The following DLG2 variants were observed in gnomAD, a reference collection of about 807,000 sequenced individuals.
DLG2 encodes disks large homolog 2.
DLG2 carries 45 observed loss-of-function variants against 132.5 expected under a neutral mutation model. The observed-to-expected ratio is 0.34, with a 90% CI of 0.27 to 0.44. DLG2 has a LOEUF of 0.44. Ranked by LOEUF, DLG2 falls within the 20% of genes least tolerant of loss-of-function variation. The pLI is 1.00. For synonymous variants in DLG2, 424 were observed against 419.6 expected, an observed-to-expected ratio of 1.01 and a Z score of -0.13; for missense variants, 1,045 against 1,196.9, an observed-to-expected ratio of 0.87 and a Z score of 1.87.
chr11:83,916,124 A>C (rs1279089986), intron 15 of DLG2, among the ~76,000 whole-genome samples: 3 of 152,138 alleles, frequency 2.0e-5, no homozygotes. Context: ...AAGACATACC[A>C]CATACTATTT....
chr11:83,553,583 C>T (rs970581377), intron 19 of DLG2, among the ~76,000 whole-genome samples: 1 of 151,148 alleles, frequency 6.6e-6, no homozygotes, highest in African/African-American at 2.4e-5. Flanking sequence ...GGAATCACCT[C>T]ATCATTCTCT....
At chr11:85,271,766 T>C (rs1402255073) in intron 4 of DLG2, among the ~76,000 whole-genome samples, 1 of 152,184 alleles carries the variant, frequency 6.6e-6, no homozygotes, top group Non-Finnish European at 1.5e-5. Context: ...TGGGCCAATT[T>C]CTCCCATTTG....
intron 6 of DLG2, among the ~76,000 whole-genome samples, chr11:84,986,919 A>G (rs1194019394): frequency 6.6e-6 from 1 of 152,226 alleles, no homozygotes; most frequent in Non-Finnish European, 1.5e-5. Flanking sequence ...CAGAGCAATC[A>G]GAAAAGAGAA....
chr11:85,522,119 T>G (rs1299414829), intron 3 of DLG2, among the ~76,000 whole-genome samples: 1 of 152,168 alleles, frequency 6.6e-6, no homozygotes, highest in Non-Finnish European at 1.5e-5. Flanking sequence ...TTTCCTGGGT[T>G]GGGTCCAGGG....
At chr11:85,063,256 T>C (rs562661632) in intron 6 of DLG2, among the ~76,000 whole-genome samples, 18 of 151,972 alleles carry the variant, frequency 1.2e-4, no homozygotes, top group African/African-American at 4.1e-4. Context: ...GAGGCCTCTG[T>C]TGAGTGTTCT....
chr11:83,951,937 C>G (rs1465763317), intron 14 of DLG2, among the ~76,000 whole-genome samples: 1 of 151,976 alleles, frequency 6.6e-6, no homozygotes, highest in Admixed American at 6.6e-5. Context: ...AGGTAAAACC[C>G]ACAGAATTTG....
At chr11:85,190,947 A>G (rs1027697078) in intron 4 of DLG2, among the ~76,000 whole-genome samples, 10 of 152,290 alleles carry the variant, frequency 6.6e-5, no homozygotes, top group Admixed American at 6.5e-4. Context: ...AGTACTCTGG[A>G]TATTTCTCAA....
intron 15 of DLG2, among the ~76,000 whole-genome samples, chr11:83,912,847 A>G (rs2076300653): frequency 6.6e-6 from 1 of 152,136 alleles, no homozygotes; most frequent in Admixed American, 6.6e-5. Context: ...GAGAACATCC[A>G]TGAGTGCTGG....
intron 16 of DLG2, among the ~76,000 whole-genome samples, chr11:83,869,803 C>G (rs544528415): frequency 1.3e-5 from 2 of 152,150 alleles, no homozygotes; most frequent in Non-Finnish European, 2.9e-5. Context: ...GGCTGGCCAA[C>G]CCCTTTCAGG....
chr11:85,196,247 C>T (rs2081058532), intron 4 of DLG2, among the ~76,000 whole-genome samples: 3 of 152,214 alleles, frequency 2.0e-5, no homozygotes, highest in South Asian at 2.1e-4. Flanking sequence ...AACTACCACG[C>T]ACACATACTT....
At chr11:83,980,780 CTG>C in intron 11 of DLG2, 138 bp from the exon 12 acceptor site, 1 of 845,554 alleles carries the variant, frequency 1.2e-6, no homozygotes, top group Non-Finnish European at 1.7e-6. Flanking sequence ...ACACTAAAAA[CTG>C]TATTTCAATC....
intron 3 of DLG2, among the ~76,000 whole-genome samples, chr11:85,429,462 T>C (rs1417075464): frequency 1.3e-5 from 2 of 152,280 alleles, no homozygotes; most frequent in East Asian, 1.9e-4. Flanking sequence ...TCTACTCATC[T>C]AACAAAGGGC....
chr11:85,021,585 G>C, intron 6 of DLG2: 3 of 1,561,728 alleles, frequency 1.9e-6, no homozygotes, highest in Non-Finnish European at 2.6e-6. Context: ...CAAGAGTGTT[G>C]AGATTCCCAG....
chr11:85,004,406 G>A (rs1246996024), intron 6 of DLG2, among the ~76,000 whole-genome samples: 2 of 152,062 alleles, frequency 1.3e-5, no homozygotes, highest in African/African-American at 2.4e-5. Context: ...TTTAATGATC[G>A]CCATTCTAGC....
At chr11:84,104,166 T>C (rs952985981) in intron 9 of DLG2, among the ~76,000 whole-genome samples, 4 of 152,092 alleles carry the variant, frequency 2.6e-5, no homozygotes, top group Non-Finnish European at 5.9e-5. Flanking sequence ...AATAAAGACA[T>C]GGAATTAACC....
intron 11 of DLG2, among the ~76,000 whole-genome samples, chr11:84,056,732 C>T (rs2154127705): frequency 6.6e-6 from 1 of 152,250 alleles, no homozygotes; most frequent in East Asian, 1.9e-4. Flanking sequence ...TCAGCACTAG[C>T]TGTGTTTATG....
chr11:85,385,052 C>A (rs745686451), intron 3 of DLG2, among the ~76,000 whole-genome samples: 3 of 152,170 alleles, frequency 2.0e-5, no homozygotes, highest in Non-Finnish European at 4.4e-5. Flanking sequence ...TGCCCTGCCT[C>A]CTACTTACAG....
chr11:84,015,622 G>A (rs2095138063), intron 11 of DLG2, among the ~76,000 whole-genome samples: 1 of 152,096 alleles, frequency 6.6e-6, no homozygotes, highest in South Asian at 2.1e-4. Context: ...AGTTATAAGT[G>A]GGAACGGGTG....
intron 7 of DLG2, among the ~76,000 whole-genome samples, chr11:84,307,667 G>A (rs954222615): frequency 7.1e-6 from 1 of 139,952 alleles, no homozygotes; most frequent in Non-Finnish European, 1.5e-5. Flanking sequence ...CTGCAGTCCG[G>A]CCTGGGTGAA....
Sources: gnomAD v4.1 joint callset for allele counts (sites outside exome capture counted in the v4.1 genomes callset) on GRCh38, gnomAD v4.1.1 for gene constraint, MANE v1.5 for transcripts, NCBI Gene and HGNC (gene_info 2026-07-23, HGNC 2026-07-21) for gene names.